The following MGAM2 variants were observed in gnomAD, a reference collection of about 807,000 sequenced individuals.
MGAM2 encodes the protein maltase-glucoamylase 2 (putative), also known as probable maltase-glucoamylase 2.
In MGAM2, 98 loss-of-function variants were observed where a neutral mutation model predicts 96.1. That is an observed-to-expected ratio of 1.02 (90% CI 0.87 to 1.21). MGAM2 has a LOEUF of 1.21. Among genes scored for constraint, MGAM2 ranks in the 50% most tolerant of loss-of-function variants. The pLI is 0.00. For synonymous variants in MGAM2, 749 were observed against 414.8 expected (o/e 1.81, Z -9.79); for missense variants, 2,055 against 1,182.4 (o/e 1.74, Z -10.82).
chr7:142,179,598 A>G (rs776527260), intron 32 of MGAM2, among the ~76,000 whole-genome samples: 3 of 152,194 alleles, frequency 2.0e-5, no homozygotes, highest in South Asian at 2.1e-4. Flanking sequence ...CTCTTTCTAC[A>G]TCTATTGAAA....
At chr7:142,122,435 A>G (rs970741579) in intron 3 of MGAM2, among the ~76,000 whole-genome samples, 2 of 152,216 alleles carry the variant, frequency 1.3e-5, no homozygotes, top group Non-Finnish European at 2.9e-5. Flanking sequence ...ATGACTACAC[A>G]TGTGTAAGCC....
chr7:142,117,035 C>A, intron 2 of MGAM2, 56 bp downstream of exon 2: 1 of 701,162 alleles, frequency 1.4e-6, no homozygotes, highest in Non-Finnish European at 2.6e-6. Context: ...CCTGTAAACG[C>A]CAAAGAGATT....
chr7:142,196,961 G>A (rs942564481), intron 40 of MGAM2, 145 bp downstream of exon 40: 5 of 600,048 alleles, frequency 8.3e-6, no homozygotes, highest in Non-Finnish European at 1.5e-5. Context: ...ACAGAGTTCA[G>A]AACTCTGGAA....
intron 17 of MGAM2, among the ~76,000 whole-genome samples, chr7:142,156,188 C>T (rs1795731724): frequency 6.6e-6 from 1 of 151,594 alleles, no homozygotes; most frequent in East Asian, 1.9e-4. Context: ...GAAACAGGGA[C>T]ATTGTTTTAA....
Position 142,195,345 on chromosome 7 carries a change from C to CTTT in MGAM2, c.4347-783_4347-781dup, listed in dbSNP as rs1013124747. Among the ~76,000 whole-genome samples the CTTT allele has an allele frequency of 3.2e-3, 225 of 70,028 alleles. 35 individuals carry two copies. Among genetic ancestry groups the CTTT allele is most frequent in the African/African-American group, 0.012 (201 of 16,434 alleles). 45.9% of individuals were successfully genotyped at this position (70,028 alleles called of 152,430 possible). The stretch of plus-strand genomic sequence containing the variant: ...TTCTGTGCCTGGCCTCCTTTTTACT[C>CTTT]TTTTTTTTTTTTTTTTTTTTTTTTT... On this transcript the variant is annotated intron_variant, in intron 37 of 47. Coordinates refer to ENST00000477922, the MANE Select transcript of MGAM2 (RefSeq NM_001293626.2).
chr7:142,162,814 G>A (rs1032287346), intron 23 of MGAM2, among the ~76,000 whole-genome samples: 1 of 151,420 alleles, frequency 6.6e-6, no homozygotes, highest in Non-Finnish European at 1.5e-5. Context: ...TTCTCCTATG[G>A]TAACATCTTA....
intron 32 of MGAM2, among the ~76,000 whole-genome samples, chr7:142,181,435 T>C (rs919812444): frequency 3.9e-5 from 6 of 152,314 alleles, no homozygotes; most frequent in Middle Eastern, 3.4e-3. Context: ...GGCCAGAAGA[T>C]AGCCTCTTAT....
chr7:142,154,977 T>A (rs1795696364), intron 17 of MGAM2, 132 bp downstream of exon 17: 2 of 617,746 alleles, frequency 3.2e-6, no homozygotes, highest in African/African-American at 3.7e-5. Context: ...TCTTGTATCA[T>A]AGCCTTAAAA....
chr7:142,189,514 CT>C lies in MGAM2; in HGVS notation c.4346+14del. On this transcript the variant is annotated intron_variant, in intron 37 of 47. Coordinates refer to ENST00000477922, the MANE Select transcript of MGAM2 (RefSeq NM_001293626.2). ...ACCAGACCCACATACGAGTGAGTGT[CT>C]TTTTGTCACAGCAGCAAAGATAATT... is the stretch of plus-strand genomic sequence containing the variant. The C allele has an allele frequency of 2.6e-6, 2 of 756,730 alleles. No individual in the cohort carries two copies. Among genetic ancestry groups the C allele is most frequent in the Non-Finnish European group, 2.3e-6 (1 of 443,244 alleles). The allele number at this position is 756,730 out of a possible 1,614,324, so 46.9% of individuals were successfully genotyped here.
intron 7 of MGAM2, among the ~76,000 whole-genome samples, chr7:142,135,360 T>C (rs1795027870): frequency 6.6e-6 from 1 of 152,216 alleles, no homozygotes; most frequent in South Asian, 2.1e-4. Flanking sequence ...TAGCTGACAT[T>C]CCTAAATTGT....
At position 142,196,825 on chromosome 7, in the gene MGAM2, G is replaced by A. The variant is rs777960022; in HGVS notation, c.4632+9G>A. On this transcript the variant is annotated intron_variant, in intron 40 of 47. Coordinates refer to ENST00000477922, the MANE Select transcript of MGAM2 (RefSeq NM_001293626.2). ...ACAACATCGGGACAAGGGTGAGGCAGTAGTTCGTGCTCCAGGTGTTGTGTA... is the reference window on the plus strand; with the variant it reads ...ACAACATCGGGACAAGGGTGAGGCAATAGTTCGTGCTCCAGGTGTTGTGTA... 1 of 773,828 alleles carries A rather than the reference G, an allele frequency of 1.3e-6. No homozygotes were observed. Among genetic ancestry groups the A allele is most frequent in the Non-Finnish European group, 2.4e-6 (1 of 415,684 alleles). The allele number at this position is 773,828 out of a possible 1,614,324, so 47.9% of individuals were successfully genotyped here.
In MGAM2 at chr7:142,189,433, C is replaced by T. The variant is rs563508674; in HGVS notation, c.4274C>T (p.Pro1425Leu). 4.5e-5 allele frequency: 34 copies of T among 760,862 alleles called. No homozygotes were observed. The highest frequency in any genetic ancestry group is 2.2e-4 in the Admixed American group (11 of 49,976). The allele number at this position is 760,862 out of a possible 1,614,324, so 47.1% of individuals were successfully genotyped here. Reference protein sequence around the residue: ...TLCMESQQILPDSSPVEHYNV... With the variant: ...TLCMESQQILLDSSPVEHYNV... Reference sequence around the variant, plus strand: ...TGCATGGAGAGTCAGCAGATCCTGCCGGACAGCTCCCCCGTGGAGCACTAC... The same window carrying T: ...TGCATGGAGAGTCAGCAGATCCTGCTGGACAGCTCCCCCGTGGAGCACTAC... Residue 1425 changes from proline to leucine, a missense_variant, in exon 37 of 48, where the codon CCG (proline) becomes CTG (leucine). Pro to Leu is a moderately conservative substitution (Grantham distance 98). Transcript: ENST00000477922.
intron 19 of MGAM2, among the ~76,000 whole-genome samples, chr7:142,158,805 T>C (rs916797542): frequency 6.6e-6 from 1 of 152,168 alleles, no homozygotes; most frequent in African/African-American, 2.4e-5. Flanking sequence ...TAAGTGTGAT[T>C]GGGAGCAGGG....
chr7:142,114,862 T>A (rs985976258), intron 1 of MGAM2, among the ~76,000 whole-genome samples: 1 of 152,134 alleles, frequency 6.6e-6, no homozygotes, highest in Non-Finnish European at 1.5e-5. Flanking sequence ...TCAGAGATGA[T>A]ACTGCATGAG....
At chr7:142,157,629 A>G (rs1011146563) in intron 17 of MGAM2, among the ~76,000 whole-genome samples, 1 of 152,098 alleles carries the variant, frequency 6.6e-6, no homozygotes, top group African/African-American at 2.4e-5. Flanking sequence ...TGACCTCGTG[A>G]TCTGCCTGGC....
intron 46 of MGAM2, among the ~76,000 whole-genome samples, chr7:142,216,356 TA>T (rs1797760471): frequency 1.3e-5 from 2 of 152,324 alleles, no homozygotes; most frequent in East Asian, 3.9e-4. Context: ...CTGTGTTTTT[TA>T]AAAAATTGTA....
chr7:142,156,616 G>A (rs544061600), intron 17 of MGAM2, among the ~76,000 whole-genome samples: 14 of 152,188 alleles, frequency 9.2e-5, no homozygotes, highest in Non-Finnish European at 1.9e-4. Context: ...CTGGGCTTTT[G>A]TCAGTTGACA....
intron 15 of MGAM2, among the ~76,000 whole-genome samples, chr7:142,149,844 C>T (rs933582740): frequency 1.1e-4 from 16 of 151,468 alleles, no homozygotes; most frequent in Non-Finnish European, 1.9e-4. Flanking sequence ...CCCGGCCTTA[C>T]TTGGATGTTT....
At chr7:142,217,721 A>C (rs915127124) in intron 46 of MGAM2, among the ~76,000 whole-genome samples, 1 of 152,210 alleles carries the variant, frequency 6.6e-6, no homozygotes, top group African/African-American at 2.4e-5. Context: ...GGGTGATGAT[A>C]GTTAACAACA....
Sources: gnomAD v4.1 joint callset for allele counts (sites outside exome capture counted in the v4.1 genomes callset) on GRCh38, gnomAD v4.1.1 for gene constraint, MANE v1.5 for transcripts, NCBI Gene and HGNC (gene_info 2026-07-23, HGNC 2026-07-21) for gene names.